Variants in TNPO3 observed in about 807,000 individuals in gnomAD.
The protein encoded by TNPO3 is transportin-3.
TNPO3 carries 65 observed loss-of-function variants against 122.8 expected under a neutral mutation model. That is an observed-to-expected ratio of 0.53 (90% CI 0.43 to 0.65). The LOEUF (loss-of-function observed/expected upper bound fraction) is 0.65. Ranked by LOEUF, TNPO3 falls within the 30% of genes least tolerant of loss-of-function variation. TNPO3 has a pLI of 0.00. For missense variants in TNPO3, 850 were observed against 1,136.7 expected (o/e 0.75, Z 3.63); for synonymous variants, 372 against 411.2 (o/e 0.90, Z 1.15).
At position 128,993,872 on chromosome 7, in the gene TNPO3, T is replaced by C. The variant is rs1232063205; in HGVS notation, c.1201A>G (p.Met401Val). 7 of 1,614,108 alleles carry C rather than the reference T, an allele frequency of 4.3e-6. No individual in the cohort carries two copies. Among genetic ancestry groups the C allele is most frequent in the Non-Finnish European group, 5.9e-6 (7 of 1,180,012 alleles). The change falls in exon 9 of 23, where the codon ATG becomes GTG. Residue 401 changes from methionine (M) to valine (V), a missense_variant. Coordinates refer to ENST00000265388, the MANE Select transcript of TNPO3 (RefSeq NM_012470.4). Reference protein sequence around the residue: ...EETDDFGEFRMRVSDLVKDLI... With the variant: ...EETDDFGEFRVRVSDLVKDLI... The stretch of plus-strand genomic sequence containing the variant: ...TCCTTTACCAGGTCTGATACCCTCA[T>C]GCGAAACTCCCCAAAGTCATCAGTC...
At chr7:129,015,386 T>C (rs1396039136) in intron 3 of TNPO3, among the ~76,000 whole-genome samples, 1 of 151,988 alleles carries the variant, frequency 6.6e-6, no homozygotes, top group Non-Finnish European at 1.5e-5. Flanking sequence ...AAAAAGTCCA[T>C]AATGTAGTAA....
intron 7 of TNPO3, among the ~76,000 whole-genome samples, chr7:128,999,201 T>C (rs1801662712): frequency 6.6e-6 from 1 of 152,206 alleles, no homozygotes. Context: ...CATTGAATGT[T>C]TGAGATTAGA....
chr7:128,988,493 G>T (rs1585336881), intron 11 of TNPO3, among the ~76,000 whole-genome samples: 1 of 152,074 alleles, frequency 6.6e-6, no homozygotes, highest in Non-Finnish European at 1.5e-5. Context: ...TCCCAAATTG[G>T]GTGTTTGTGG....
intron 6 of TNPO3, 146 bp downstream of exon 6, chr7:129,000,913 G>C: frequency 2.0e-5 from 19 of 962,164 alleles, no homozygotes; most frequent in Non-Finnish European, 2.7e-5. Flanking sequence ...GTTCAGAAGA[G>C]CATAGTAGAG....
chr7:128,995,418 A>G (rs781135837), intron 8 of TNPO3, among the ~76,000 whole-genome samples: 11 of 152,232 alleles, frequency 7.2e-5, no homozygotes, highest in Non-Finnish European at 1.2e-4. Context: ...AGAATTGCTA[A>G]TCTAGTTCAA....
intron 8 of TNPO3, among the ~76,000 whole-genome samples, chr7:128,996,245 A>G (rs987321358): frequency 6.6e-5 from 10 of 152,214 alleles, no homozygotes; most frequent in African/African-American, 2.4e-4. Flanking sequence ...GAGACTAAGC[A>G]TGATGTTTGA....
chr7:128,973,796 T>C (rs1024580275), intron 18 of TNPO3, among the ~76,000 whole-genome samples: 2 of 69,368 alleles, frequency 2.9e-5, no homozygotes, highest in East Asian at 7.0e-4. Flanking sequence ...CCAACAATTC[T>C]ATCAACTGAA....
intron 1 of TNPO3, among the ~76,000 whole-genome samples, chr7:129,036,709 T>C (rs942171927): frequency 4.0e-5 from 6 of 151,878 alleles, no homozygotes; most frequent in African/African-American, 1.5e-4. Context: ...AGAAATAAAG[T>C]TGGAAAAAAT....
intron 13 of TNPO3, among the ~76,000 whole-genome samples, chr7:128,983,396 C>G (rs1397533202): frequency 6.6e-6 from 1 of 151,944 alleles, no homozygotes; most frequent in Non-Finnish European, 1.5e-5. Flanking sequence ...TTAGTAGAGA[C>G]CAGGGTTTCA....
At chr7:129,035,332 T>C (rs931697835) in intron 1 of TNPO3, among the ~76,000 whole-genome samples, 13 of 149,224 alleles carry the variant, frequency 8.7e-5, no homozygotes, top group South Asian at 4.2e-4. Flanking sequence ...GCCAGGAACA[T>C]TGGCTCACAC....
chr7:128,973,839 T>G lies in TNPO3; in HGVS notation c.2273+1029A>C, dbSNP rs1239742168. Among the ~76,000 whole-genome samples the G allele has an allele frequency of 1.1e-4, 13 of 116,574 alleles. 2 individuals are homozygous for G. The highest frequency in any genetic ancestry group is 5.0e-4 in the East Asian group (2 of 4,040). 76.5% of individuals were successfully genotyped at this position (116,574 alleles called of 152,430 possible). ...AAAAAAGAAAAGGAAAAAAAAAGGG[T>G]TTTTCTAACCTATCCAAAAACTAAC... On this transcript the variant is annotated intron_variant, in intron 18 of 22. Coordinates refer to ENST00000265388, the MANE Select transcript of TNPO3 (RefSeq NM_012470.4).
chr7:129,005,973 G>A (rs1380246998), intron 4 of TNPO3, among the ~76,000 whole-genome samples: 4 of 151,750 alleles, frequency 2.6e-5, no homozygotes, highest in African/African-American at 4.8e-5. Flanking sequence ...TAGTAGACAC[G>A]GGTTTCACCA....
At chr7:129,055,404 CT>C (rs1176954674), upstream of TNPO3, 1 of 155,966 alleles carries the variant, frequency 6.4e-6, no homozygotes, top group Non-Finnish European at 1.4e-5. Context: ...GAATCCTTTT[CT>C]GCCCTGGTGA....
intron 4 of TNPO3, among the ~76,000 whole-genome samples, chr7:129,010,794 C>G (rs1380638938): frequency 6.6e-6 from 1 of 152,102 alleles, no homozygotes; most frequent in Non-Finnish European, 1.5e-5. Flanking sequence ...TTTTCTCAAT[C>G]AGGATTCTAG....
At chr7:129,039,326 C>T (rs1442936120) in intron 1 of TNPO3, among the ~76,000 whole-genome samples, 1 of 152,126 alleles carries the variant, frequency 6.6e-6, no homozygotes, top group African/African-American at 2.4e-5. Flanking sequence ...CTTTGGGAGG[C>T]CAAGGCAGGA....
intron 5 of TNPO3, among the ~76,000 whole-genome samples, chr7:129,004,002 C>T (rs1255704015): frequency 2.0e-5 from 3 of 152,044 alleles, no homozygotes; most frequent in Admixed American, 6.6e-5. Flanking sequence ...TATTTGTTGA[C>T]GTGATAATAA....
intron 1 of TNPO3, among the ~76,000 whole-genome samples, chr7:129,046,671 G>C (rs1808088926): frequency 1.3e-5 from 2 of 152,164 alleles, no homozygotes; most frequent in Admixed American, 6.5e-5. Context: ...TGCTAATAAA[G>C]ACATACCCAA....
At position 128,982,313 on chromosome 7, in the gene TNPO3, T is replaced by G; in HGVS notation, c.1794A>C (p.Gln598His). ...CTGAGGATATGCCATTGCTGGGCTC[T>G]TGAGACAACAGCTGAAGAGACAAAA... ...QVMALKKLLS[Q>H]EPSNGISSDP... is the part of the protein sequence containing the mutation. Residue 598 changes from glutamine to histidine, a missense_variant, in exon 14 of 23, where the codon CAA (glutamine) becomes CAC (histidine). Gln to His is a conservative substitution (Grantham distance 24, BLOSUM62 0). Transcript: ENST00000265388. 6.2e-7 allele frequency: 1 copy of G among 1,613,102 alleles called. No individual in the cohort carries two copies. The highest frequency in any genetic ancestry group is 8.5e-7 in the Non-Finnish European group (1 of 1,179,336).
At position 129,032,618 on chromosome 7, in the gene TNPO3, G is replaced by A. The variant is rs530680404; in HGVS notation, c.121-14461C>T. On this transcript the variant is annotated intron_variant, in intron 1 of 22. Coordinates refer to ENST00000265388, the MANE Select transcript of TNPO3 (RefSeq NM_012470.4). Reference sequence around the variant, plus strand: ...ATTCCATTTACAATAGAATAAAAACGAATAAAATACTCAGGAATAAGCTTA... The same window carrying A: ...ATTCCATTTACAATAGAATAAAAACAAATAAAATACTCAGGAATAAGCTTA... Among the ~76,000 whole-genome samples, 17 of 152,104 alleles carry A rather than the reference G, an allele frequency of 1.1e-4. No homozygotes were observed. In the East Asian group the frequency reaches 2.1e-3, roughly 19 times the overall value.
Sources: allele counts gnomAD v4.1 joint callset (sites outside exome capture counted in the v4.1 genomes callset), GRCh38; gene constraint gnomAD v4.1.1; transcripts MANE v1.5; gene names NCBI Gene and HGNC (gene_info 2026-07-23, HGNC 2026-07-21).